Variants in TNS3 observed in about 807,000 individuals in gnomAD.
The protein encoded by TNS3 is tensin 3.
In TNS3, 45 loss-of-function variants were observed where a neutral mutation model predicts 140.9. That is an observed-to-expected ratio of 0.32 (90% CI 0.25 to 0.41). TNS3 has a LOEUF of 0.41. Ranked by LOEUF, TNS3 falls within the 10% of genes least tolerant of loss-of-function variation. The probability of loss-of-function intolerance (pLI) is 1.00; values close to 1 mark genes in which losing one functional copy is unlikely to be tolerated. For missense variants in TNS3, 1,716 were observed against 1,906.7 expected, an observed-to-expected ratio of 0.90 and a Z score of 1.86; for synonymous variants, 815 against 788.4, an observed-to-expected ratio of 1.03 and a Z score of -0.56.
In TNS3 at chr7:47,277,912, G is replaced by A. The variant is rs3750163; in HGVS notation, c.*164C>T. ...TCAGGAAAGGCCAATTCACGGTGATGTTGTTTGTTCTTGTTTTTGCAGAGC... is the reference window on the plus strand; with the variant it reads ...TCAGGAAAGGCCAATTCACGGTGATATTGTTTGTTCTTGTTTTTGCAGAGC... On this transcript the variant is annotated 3_prime_UTR_variant, in exon 31 of 31. Coordinates refer to ENST00000311160, the MANE Select transcript of TNS3 (RefSeq NM_022748.12). 316,014 of 800,304 alleles carry A rather than the reference G, an allele frequency of 0.39. 65,746 individuals carry two copies. The highest frequency in any genetic ancestry group is 0.44 in the Non-Finnish European group (206,533 of 469,838). 49.6% of individuals were successfully genotyped at this position (800,304 alleles called of 1,614,324 possible).
intron 1 of TNS3, among the ~76,000 whole-genome samples, chr7:47,531,907 G>A (rs899128114): frequency 5.9e-5 from 9 of 152,210 alleles, no homozygotes; most frequent in African/African-American, 1.9e-4. Flanking sequence ...TGCAGCTGCA[G>A]CCACCATCCA....
chr7:47,438,603 G>A (rs1267851222), intron 6 of TNS3, among the ~76,000 whole-genome samples: 3 of 152,140 alleles, frequency 2.0e-5, no homozygotes, highest in Admixed American at 6.6e-5. Context: ...AGAGGCAGGA[G>A]CCTGAGTGAA....
chr7:47,411,608 C>T, intron 13 of TNS3, 119 bp downstream of exon 13: 3 of 1,072,800 alleles, frequency 2.8e-6, no homozygotes, highest in East Asian at 2.6e-5. Flanking sequence ...TTCCTTCTTC[C>T]TACAGGGTAC....
rs745554035 is a variant in TNS3, at chr7:47,415,075, C to T, written c.586+19G>A. ...CTGGGCCAGCCAATCGCAGGTGCCA[C>T]GTCATAGGGGACACTCACCTCCACC... is the stretch of plus-strand genomic sequence containing the variant. On this transcript the variant is annotated intron_variant, in intron 11 of 30. Transcript: ENST00000311160. 4.4e-6 allele frequency: 7 copies of T among 1,589,888 alleles called. No individual in the cohort carries two copies. The highest frequency in any genetic ancestry group is 1.3e-5 in the African/African-American group (1 of 74,356).
At chr7:47,561,779 G>A (rs950175275) in intron 1 of TNS3, among the ~76,000 whole-genome samples, 22 of 152,140 alleles carry the variant, frequency 1.4e-4, no homozygotes, top group Admixed American at 1.3e-4. Flanking sequence ...TCTTGCTTTG[G>A]CCAATGGAAT....
intron 1 of TNS3, among the ~76,000 whole-genome samples, chr7:47,580,695 C>G (rs1362670791): frequency 6.6e-6 from 1 of 151,808 alleles, no homozygotes. Flanking sequence ...CTCACAGGCC[C>G]CAAAGAGAGA....
intron 2 of TNS3, among the ~76,000 whole-genome samples, chr7:47,523,611 C>G (rs894973045): frequency 2.0e-5 from 3 of 152,324 alleles, no homozygotes; most frequent in South Asian, 4.1e-4. Flanking sequence ...GGTCCCTCCT[C>G]GGGGATGGAG....
At chr7:47,430,745 G>T (rs1366312782) in intron 8 of TNS3, among the ~76,000 whole-genome samples, 1 of 149,974 alleles carries the variant, frequency 6.7e-6, no homozygotes, top group East Asian at 2.0e-4. Context: ...TTTTTTAATG[G>T]AGTCTCCCTC....
chr7:47,303,406 C>T lies in TNS3; in HGVS notation c.3001G>A (p.Glu1001Lys), dbSNP rs1403035807. The T allele has an allele frequency of 9.3e-6, 15 of 1,613,714 alleles. No individual in the cohort carries two copies. Among genetic ancestry groups the T allele is most frequent in the Non-Finnish European group, 1.3e-5 (15 of 1,180,024 alleles). ...SELQAPFHSH[E>K]LSLAEPPDSL... ...TCCGGTGGCTCTGCTAGGGACAGCTCATGGCTGTGGAAAGGAGCCTGGAGC... is the reference window on the plus strand; with the variant it reads ...TCCGGTGGCTCTGCTAGGGACAGCTTATGGCTGTGGAAAGGAGCCTGGAGC... The change falls in exon 22 of 31, where the codon GAG becomes AAG. Residue 1001 changes from glutamate to lysine, a missense_variant. Coordinates refer to ENST00000311160, the MANE Select transcript of TNS3 (RefSeq NM_022748.12).
intron 20 of TNS3, among the ~76,000 whole-genome samples, chr7:47,320,431 T>C (rs1324314023): frequency 1.3e-5 from 2 of 152,252 alleles, no homozygotes; most frequent in African/African-American, 4.8e-5. Context: ...ATTAGTCAGC[T>C]TGGGCTGCTA....
chr7:47,386,391 C>G, intron 16 of TNS3, among the ~76,000 whole-genome samples: 1 of 152,254 alleles, frequency 6.6e-6, no homozygotes, highest in East Asian at 1.9e-4. Flanking sequence ...CTGCACTTCG[C>G]ATCAGTCTCT....
At chr7:47,437,410 T>A (rs1394939614) in intron 6 of TNS3, 97 bp from the exon 7 acceptor site, 6 of 480,736 alleles carry the variant, frequency 1.2e-5, no homozygotes, top group Non-Finnish European at 1.9e-5. Context: ...AATACTAATT[T>A]TTTAAAAAAA....
At chr7:47,283,461 T>A (rs906544075) in intron 28 of TNS3, among the ~76,000 whole-genome samples, 11 of 152,230 alleles carry the variant, frequency 7.2e-5, no homozygotes, top group African/African-American at 2.4e-4. Context: ...CGTCTTTTTT[T>A]ATTTTATTTT....
chr7:47,343,152 A>G (rs1789114283), intron 20 of TNS3, among the ~76,000 whole-genome samples: 2 of 152,320 alleles, frequency 1.3e-5, no homozygotes, highest in South Asian at 4.1e-4. Flanking sequence ...TGGTGTGCAG[A>G]GCCATCCTCA....
rs769737277 is a variant in TNS3 at position 47,374,833 on chromosome 7, ATGGGTTG to A, written c.1025-5219_1025-5213del. On this transcript the variant is annotated intron_variant, in intron 16 of 30. Coordinates refer to ENST00000311160, the MANE Select transcript of TNS3 (RefSeq NM_022748.12). ...AAACTCCCATTTGTGGTTCCTGGAC[ATGGGTTG>A]TGGGTGGGGTTCCTGGTGCCCTGAT... Among the ~76,000 whole-genome samples, 71 of 152,310 alleles carry A rather than the reference ATGGGTTG, an allele frequency of 4.7e-4. 1 individual carries two copies. Among genetic ancestry groups the A allele is most frequent in the Admixed American group, 2.3e-3 (35 of 15,310 alleles).
chr7:47,283,783 GGT>G lies in TNS3; in HGVS notation c.4009_4010del (p.Thr1337ProfsTer76). 6.2e-7 allele frequency: 1 copy of G among 1,612,778 alleles called. No homozygotes were observed. Among genetic ancestry groups the G allele is most frequent in the Non-Finnish European group, 8.5e-7 (1 of 1,179,364 alleles). ...ACACAGGTGGAGGCTCCTGGACCAG[GGT>G]GATGCTCAGGGCCTTCTGGATCGCC... ...HQAIQKALSI[T>X]LVQEPPPVST... On this transcript the variant is annotated frameshift_variant, in exon 28 of 31. Transcript: ENST00000311160. LOFTEE classifies it high-confidence loss of function.
intron 13 of TNS3, among the ~76,000 whole-genome samples, chr7:47,409,696 C>G (rs1239569834): frequency 6.6e-6 from 1 of 151,972 alleles, no homozygotes; most frequent in African/African-American, 2.4e-5. Flanking sequence ...CTCGCTCTGT[C>G]GCCCAGGCTG....
In TNS3 at chr7:47,297,168, C is replaced by T. The variant is rs1168395178; in HGVS notation, c.3590G>A (p.Arg1197Gln). The change falls in exon 24 of 31, where the codon CGA (arginine) becomes CAA (glutamine). Residue 1197 changes from arginine to glutamine, a missense_variant. Arg to Gln is a conservative substitution (Grantham distance 43). Transcript: ENST00000311160. Reference sequence around the variant, plus strand: ...GGCCCCTCGGAAGGAATGGCTGTCTCGAACAATGAATGAGCCCGGCTCCTT... The same window carrying T: ...GGCCCCTCGGAAGGAATGGCTGTCTTGAACAATGAATGAGCCCGGCTCCTT... ...KDKEPGSFIV[R>Q]DSHSFRGAYG... 1.9e-6 allele frequency: 3 copies of T among 1,613,478 alleles called. No individual in the cohort carries two copies. The highest frequency in any genetic ancestry group is 1.3e-5 in the African/African-American group (1 of 74,810).
intron 16 of TNS3, among the ~76,000 whole-genome samples, chr7:47,371,541 G>A (rs1296657652): frequency 6.6e-6 from 1 of 152,174 alleles, no homozygotes; most frequent in Admixed American, 6.5e-5. Context: ...TCTGTCAGTG[G>A]CCCTGCCCAC....
Sources: allele counts gnomAD v4.1 joint callset (sites outside exome capture counted in the v4.1 genomes callset), GRCh38; gene constraint gnomAD v4.1.1; transcripts MANE v1.5; gene names NCBI Gene and HGNC (gene_info 2026-07-23, HGNC 2026-07-21).